WWOX: variants seen among roughly 807,000 people sequenced by gnomAD.
The protein encoded by WWOX is WW domain-containing oxidoreductase.
WWOX carries 69 observed loss-of-function variants against 46.2 expected under a neutral mutation model. The observed-to-expected ratio is 1.49, with a 90% CI of 1.23 to 1.82. The LOEUF is 1.82. Among genes scored for constraint, WWOX ranks in the 40% most tolerant of loss-of-function variants. The pLI, the probability that WWOX is intolerant of heterozygous loss-of-function variation, is 0.00. For missense variants in WWOX, 919 were observed against 542.6 expected (o/e 1.69, Z -6.89); for synonymous variants, 359 against 202.6 (o/e 1.77, Z -6.56).
intron 8 of WWOX, among the ~76,000 whole-genome samples, chr16:78,793,447 G>C (rs2050660282): frequency 6.6e-6 from 1 of 152,062 alleles, no homozygotes; most frequent in South Asian, 2.1e-4. Context: ...ATTGAACATT[G>C]ACTTTCCTCA....
intron 8 of WWOX, among the ~76,000 whole-genome samples, chr16:78,937,447 A>ATTTTTT (rs1567661804): frequency 2.7e-5 from 2 of 72,870 alleles, no homozygotes; most frequent in Non-Finnish European, 5.4e-5. Context: ...ATTTGTATTA[A>ATTTTTT]CTTTTTTTTT....
At chr16:78,278,584 TTTTG>T (rs746967176) in intron 5 of WWOX, 1 of 1,602,950 alleles carries the variant, frequency 6.2e-7, no homozygotes, top group Admixed American at 1.7e-5. Context: ...CACAACTGTC[TTTTG>T]TTTGTATCTT....
chr16:78,492,270 C>T (rs1427315045), intron 8 of WWOX, among the ~76,000 whole-genome samples: 3 of 152,150 alleles, frequency 2.0e-5, no homozygotes, highest in East Asian at 1.9e-4. Flanking sequence ...ACACTCATTC[C>T]GAAGGCGGGT....
intron 5 of WWOX, among the ~76,000 whole-genome samples, chr16:78,367,917 C>G (rs1004383457): frequency 2.1e-4 from 32 of 152,014 alleles, no homozygotes; most frequent in African/African-American, 7.7e-4. Context: ...ACACCACACC[C>G]CGCTAATTTT....
intron 4 of WWOX, among the ~76,000 whole-genome samples, chr16:78,146,858 G>A (rs574776058): frequency 2.6e-5 from 4 of 152,160 alleles, no homozygotes; most frequent in Non-Finnish European, 4.4e-5. Flanking sequence ...AAGAAGTGAG[G>A]TAAAGAGTAT....
At chr16:78,516,776 A>G (rs968081496) in intron 8 of WWOX, among the ~76,000 whole-genome samples, 4 of 152,242 alleles carry the variant, frequency 2.6e-5, no homozygotes, top group Non-Finnish European at 5.9e-5. Context: ...AAATAATTCA[A>G]AAATCCGTGG....
intron 5 of WWOX, among the ~76,000 whole-genome samples, chr16:78,200,304 TC>T (rs1398500452): frequency 6.6e-6 from 1 of 151,594 alleles, no homozygotes; most frequent in Non-Finnish European, 1.5e-5. Context: ...TTAATTCCTT[TC>T]CCCCTGCTGA....
At chr16:78,548,313 C>T (rs1004021894) in intron 8 of WWOX, among the ~76,000 whole-genome samples, 4 of 150,130 alleles carry the variant, frequency 2.7e-5, no homozygotes, top group African/African-American at 7.3e-5. Context: ...ATTCAACAGT[C>T]ATGTATTTTA....
At chr16:78,675,174 T>A (rs1178962894) in intron 8 of WWOX, among the ~76,000 whole-genome samples, 1 of 152,156 alleles carries the variant, frequency 6.6e-6, no homozygotes, top group East Asian at 1.9e-4. Context: ...ATTATTTTTA[T>A]GTATATTTAA....
At chr16:78,373,554 T>C (rs1393787793) in intron 5 of WWOX, among the ~76,000 whole-genome samples, 1 of 152,194 alleles carries the variant, frequency 6.6e-6, no homozygotes, top group Admixed American at 6.5e-5. Context: ...CTCTTTTTCC[T>C]ATGCTGTGGA....
chr16:79,110,903 T>C (rs1235324279), intron 8 of WWOX: 4 of 152,184 alleles, frequency 2.6e-5, no homozygotes, highest in African/African-American at 9.6e-5. Flanking sequence ...GGGATTGTTT[T>C]GAGAAATGAG....
At chr16:79,063,064 T>C (rs946326937) in intron 8 of WWOX, among the ~76,000 whole-genome samples, 2 of 152,220 alleles carry the variant, frequency 1.3e-5, no homozygotes, top group African/African-American at 4.8e-5. Context: ...TAAACCATTA[T>C]ACTGTTTGAA....
chr16:78,191,063 T>C (rs2035868042), intron 5 of WWOX, among the ~76,000 whole-genome samples: 1 of 152,152 alleles, frequency 6.6e-6, no homozygotes, highest in Admixed American at 6.5e-5. Context: ...AAATCTACTT[T>C]ATGAGCCCTC....
At chr16:79,173,047 A>C (rs909330973) in intron 8 of WWOX, among the ~76,000 whole-genome samples, 8 of 152,290 alleles carry the variant, frequency 5.3e-5, no homozygotes, top group Non-Finnish European at 7.4e-5. Flanking sequence ...TGCCTCTGTG[A>C]ATCCATTTCA....
chr16:78,377,789 A>G (rs1413851638), intron 5 of WWOX, among the ~76,000 whole-genome samples: 1 of 152,210 alleles, frequency 6.6e-6, no homozygotes, highest in Non-Finnish European at 1.5e-5. Context: ...TTTGCTTTCC[A>G]TGGCACGCAA....
At chr16:78,819,992 T>C (rs2051448318) in intron 8 of WWOX, among the ~76,000 whole-genome samples, 1 of 152,210 alleles carries the variant, frequency 6.6e-6, no homozygotes, top group African/African-American at 2.4e-5. Flanking sequence ...ATCTGTAAAA[T>C]GGGGATGGTA....
intron 8 of WWOX, among the ~76,000 whole-genome samples, chr16:78,606,151 C>G (rs2045751305): frequency 6.6e-6 from 1 of 152,160 alleles, no homozygotes; most frequent in African/African-American, 2.4e-5. Context: ...GTTTCGTTAA[C>G]ACAGTCAAAA....
intron 8 of WWOX, among the ~76,000 whole-genome samples, chr16:78,639,112 G>A (rs558748446): frequency 6.6e-6 from 1 of 152,280 alleles, no homozygotes; most frequent in African/African-American, 2.4e-5. Flanking sequence ...TCCCATACTT[G>A]GACATTTATT....
chr16:79,165,376 G>T (rs1168064993), intron 8 of WWOX, among the ~76,000 whole-genome samples: 1 of 152,160 alleles, frequency 6.6e-6, no homozygotes, highest in African/African-American at 2.4e-5. Flanking sequence ...GGGCTTTAGA[G>T]CCAGACATGG....
Sources: allele counts gnomAD v4.1 joint callset (sites outside exome capture counted in the v4.1 genomes callset), GRCh38; gene constraint gnomAD v4.1.1; transcripts MANE v1.5; gene names NCBI Gene and HGNC (gene_info 2026-07-23, HGNC 2026-07-21).